HERPUD2: variants seen among roughly 807,000 people sequenced by gnomAD.
HERPUD2 encodes the protein homocysteine-responsive endoplasmic reticulum-resident ubiquitin-like domain member 2 protein.
HERPUD2 carries 13 observed loss-of-function variants against 49.9 expected under a neutral mutation model. The ratio of observed to expected loss-of-function variants is 0.26; its 90% confidence interval spans 0.17 to 0.41. The LOEUF (loss-of-function observed/expected upper bound fraction) is 0.41. Among genes scored for constraint, HERPUD2 ranks in the 10% least tolerant of loss-of-function variants. The pLI is 1.00. For missense variants in HERPUD2, 449 were observed against 492.2 expected (o/e 0.91, Z 0.83); for synonymous variants, 172 against 171.4 (o/e 1.00, Z -0.03).
chr7:35,679,974 C>T (rs1407688833), intron 2 of HERPUD2, among the ~76,000 whole-genome samples: 1 of 152,160 alleles, frequency 6.6e-6, no homozygotes, highest in African/African-American at 2.4e-5. Flanking sequence ...AAAAGTTCCT[C>T]TCAGATCAGT....
intron 6 of HERPUD2, among the ~76,000 whole-genome samples, chr7:35,637,092 C>A (rs1784881463): frequency 6.6e-6 from 1 of 150,848 alleles, no homozygotes; most frequent in South Asian, 2.1e-4. Flanking sequence ...AAGATTATGC[C>A]ACTGCACTCT....
intron 2 of HERPUD2, among the ~76,000 whole-genome samples, chr7:35,677,772 A>G (rs1267346032): frequency 6.6e-6 from 1 of 152,192 alleles, no homozygotes; most frequent in Non-Finnish European, 1.5e-5. Flanking sequence ...TGCAAGAGAG[A>G]AAAACAATTT....
rs1201916163 is a variant in HERPUD2, at chr7:35,670,294, GTACA to G, written c.256_259del (p.Cys86LeufsTer46). On this transcript the variant is annotated frameshift_variant, in exon 4 of 9. Coordinates refer to ENST00000311350, the MANE Select transcript of HERPUD2 (RefSeq NM_022373.5). LOFTEE classifies it high-confidence loss of function. Reference sequence around the variant, plus strand: ...TGGAGAACTGGGAGGAGTCCGAGAAGTACATACTAGATGAACCATATGATACTCA... The same window carrying G: ...TGGAGAACTGGGAGGAGTCCGAGAAGTACTAGATGAACCATATGATACTCA... 6.4e-7 allele frequency: 1 copy of G among 1,571,706 alleles called. No individual in the cohort carries two copies. The highest frequency in any genetic ancestry group is 2.3e-5 in the East Asian group (1 of 43,656).
At chr7:35,651,203 G>A (rs758887876) in intron 5 of HERPUD2, among the ~76,000 whole-genome samples, 2 of 152,100 alleles carry the variant, frequency 1.3e-5, no homozygotes, top group Non-Finnish European at 2.9e-5. Flanking sequence ...CTAGGGGCCC[G>A]ATGACATGCC....
chr7:35,685,538 C>T (rs1286042833), intron 2 of HERPUD2, among the ~76,000 whole-genome samples: 1 of 151,688 alleles, frequency 6.6e-6, no homozygotes, highest in East Asian at 2.0e-4. Context: ...GTTGACCAGG[C>T]TGGTCTCGAA....
intron 5 of HERPUD2, among the ~76,000 whole-genome samples, chr7:35,654,407 ATAT>A (rs1247545971): frequency 6.6e-6 from 1 of 151,906 alleles, no homozygotes; most frequent in Non-Finnish European, 1.5e-5. Context: ...AATCATCAAG[ATAT>A]TATGAACAAC....
At chr7:35,644,971 C>T (rs1024296455) in intron 5 of HERPUD2, among the ~76,000 whole-genome samples, 3 of 151,946 alleles carry the variant, frequency 2.0e-5, no homozygotes, top group African/African-American at 7.3e-5. Flanking sequence ...CCCATAGCTA[C>T]CATATCTGTT....
At chr7:35,685,369 G>A (rs1786015043) in intron 2 of HERPUD2, among the ~76,000 whole-genome samples, 1 of 148,648 alleles carries the variant, frequency 6.7e-6, no homozygotes, top group South Asian at 2.1e-4. Flanking sequence ...TGTCACCCAG[G>A]CTGGAGTACA....
At chr7:35,653,994 A>C (rs533898445) in intron 5 of HERPUD2, among the ~76,000 whole-genome samples, 1 of 152,346 alleles carries the variant, frequency 6.6e-6, no homozygotes, top group East Asian at 1.9e-4. Flanking sequence ...ACTGTCTCTA[A>C]AACAACAACA....
rs1786287037 is a variant in HERPUD2 at position 35,694,918 on chromosome 7, C to CGGGCA, written c.-416_-415insTGCCC. The CGGGCA allele has an allele frequency of 6.6e-6, 1 of 152,660 alleles. No homozygotes were observed. Among genetic ancestry groups the CGGGCA allele is most frequent in the South Asian group, 2.0e-4 (1 of 4,978 alleles). The allele number at this position is 152,660 out of a possible 1,614,324, so 9.5% of individuals were successfully genotyped here. ...CCGCTCCCTTCCTGCTGCGCGGCGA[C>CGGGCA]CGGCACGGCCCAGCCCCGGGTCTCG... On this transcript the variant is annotated 5_prime_UTR_variant, in exon 1 of 9. Coordinates refer to ENST00000311350, the MANE Select transcript of HERPUD2 (RefSeq NM_022373.5).
chr7:35,674,954 T>C (rs1157604310), intron 2 of HERPUD2, among the ~76,000 whole-genome samples: 3 of 152,172 alleles, frequency 2.0e-5, no homozygotes, highest in African/African-American at 4.8e-5. Flanking sequence ...GTAAGTAACA[T>C]GTTTCCTTGA....
chr7:35,657,475 G>T (rs1376129816), intron 5 of HERPUD2, among the ~76,000 whole-genome samples: 4 of 151,810 alleles, frequency 2.6e-5, no homozygotes, highest in Admixed American at 2.6e-4. Context: ...ACTAAACACA[G>T]TTTGGGTGTG....
At chr7:35,682,114 T>C (rs1227602774) in intron 2 of HERPUD2, among the ~76,000 whole-genome samples, 1 of 151,954 alleles carries the variant, frequency 6.6e-6, no homozygotes, top group African/African-American at 2.4e-5. Flanking sequence ...ATCAGCTCAC[T>C]GCAACCTCTG....
At chr7:35,681,936 G>A (rs1046485550) in intron 2 of HERPUD2, among the ~76,000 whole-genome samples, 1 of 152,136 alleles carries the variant, frequency 6.6e-6, no homozygotes, top group Non-Finnish European at 1.5e-5. Context: ...ACAACTTTGT[G>A]AAGTACTAAA....
At chr7:35,645,256 T>C (rs1413551257) in intron 5 of HERPUD2, among the ~76,000 whole-genome samples, 3 of 152,184 alleles carry the variant, frequency 2.0e-5, no homozygotes, top group African/African-American at 7.2e-5. Context: ...ACTGGTTCAT[T>C]AAATTATAGT....
In HERPUD2 at chr7:35,633,491, TAAA is replaced by T. The variant is rs200548311; in HGVS notation, c.*196_*198del. Reference sequence around the variant, plus strand: ...TTACGCTATGTTCTGTTAGGATCTTTAAAAAAAAAAAAAAAAAACTCAGATATT... The same window carrying T: ...TTACGCTATGTTCTGTTAGGATCTTTAAAAAAAAAAAAAAACTCAGATATT... On this transcript the variant is annotated 3_prime_UTR_variant, in exon 9 of 9. Transcript: ENST00000311350. The T allele has an allele frequency of 1.6e-4, 45 of 284,600 alleles. No individual in the cohort carries two copies. The highest frequency in any genetic ancestry group is 2.2e-4 in the Admixed American group (4 of 17,964). The allele number at this position is 284,600 out of a possible 1,614,324, so 17.6% of individuals were successfully genotyped here.
At position 35,633,824 on chromosome 7, in the gene HERPUD2, C is replaced by G; in HGVS notation, c.1087G>C (p.Asp363His). The change falls in exon 9 of 9, where the codon GAT (aspartate) becomes CAT (histidine). Residue 363 changes from aspartate (D) to histidine (H), a missense_variant. Transcript: ENST00000311350. ...TCACCTCCATCTTCTCCACTCTCATCTTCAAGCCCATCATCCATAAGACGC... is the reference window on the plus strand; with the variant it reads ...TCACCTCCATCTTCTCCACTCTCATGTTCAAGCCCATCATCCATAAGACGC... ...MERLMDDGLE[D>H]ESGEDGGEDA... 6.2e-7 allele frequency: 1 copy of G among 1,613,974 alleles called. No homozygotes were observed. The highest frequency in any genetic ancestry group is 1.3e-5 in the African/African-American group (1 of 75,030).
At chr7:35,657,005 A>T (rs1166184463) in intron 5 of HERPUD2, among the ~76,000 whole-genome samples, 2 of 152,250 alleles carry the variant, frequency 1.3e-5, no homozygotes, top group Non-Finnish European at 2.9e-5. Context: ...AAACAAAAAT[A>T]GACAAATGAG....
intron 5 of HERPUD2, among the ~76,000 whole-genome samples, chr7:35,658,906 C>T (rs1785348078): frequency 1.3e-5 from 2 of 152,134 alleles, no homozygotes; most frequent in Non-Finnish European, 2.9e-5. Flanking sequence ...TTTGGATTTC[C>T]CAAAGTGAGG....
Sources: gnomAD v4.1 joint callset for allele counts (sites outside exome capture counted in the v4.1 genomes callset) on GRCh38, gnomAD v4.1.1 for gene constraint, MANE v1.5 for transcripts, NCBI Gene and HGNC (gene_info 2026-07-23, HGNC 2026-07-21) for gene names.